The following RFFL variants were observed in gnomAD, a reference collection of about 807,000 sequenced individuals.
RFFL encodes the protein ring finger and FYVE like domain containing E3 ubiquitin protein ligase.
RFFL carries 16 observed loss-of-function variants against 40.4 expected under a neutral mutation model. The ratio of observed to expected loss-of-function variants is 0.40; its 90% CI spans 0.27 to 0.60. The LOEUF is 0.60. RFFL is among the 20% of genes least tolerant of loss of function. RFFL has a pLI of 0.47. For missense variants in RFFL, 367 were observed against 451.7 expected, an observed-to-expected ratio of 0.81 and a Z score of 1.70; for synonymous variants, 154 against 167.9, an observed-to-expected ratio of 0.92 and a Z score of 0.64.
chr17:35,060,659 T>TTA (rs567227880), intron 1 of RFFL, among the ~76,000 whole-genome samples: 109 of 152,332 alleles, frequency 7.2e-4, no homozygotes, highest in African/African-American at 2.3e-3. Context: ...CTTTGAATGA[T>TTA]TACTTGATGG....
At chr17:35,076,843 A>C (rs2091379724) in intron 1 of RFFL, 1 of 237,580 alleles carries the variant, frequency 4.2e-6, no homozygotes, top group South Asian at 6.6e-5. Context: ...TGCCAAGCGC[A>C]AGAGGAAGTA....
At position 35,072,749 on chromosome 17, in the gene RFFL, A is replaced by T. The variant is rs1360669091; in HGVS notation, c.-9+16356T>A. 2.4e-5 allele frequency among the ~76,000 whole-genome samples: 3 copies of T among 124,486 alleles called. 1 individual carries two copies. The highest frequency in any genetic ancestry group is 2.2e-4 in the Admixed American group (3 of 13,804). 81.7% of individuals were successfully genotyped at this position (124,486 alleles called of 152,430 possible). ...TATAATTACCTAAAAATAAAGTATA[A>T]AAAAAAAAAAGTGGTCGGGCGTGGT... On this transcript the variant is annotated intron_variant, in intron 1 of 6. Coordinates refer to the RFFL transcript ENST00000315249.
chr17:35,039,780 C>A (rs950449133), intron 1 of RFFL, among the ~76,000 whole-genome samples: 9 of 151,842 alleles, frequency 5.9e-5, no homozygotes, highest in African/African-American at 1.9e-4. Context: ...CGGGTTCAAG[C>A]AATTCTCCTG....
intron 1 of RFFL, among the ~76,000 whole-genome samples, chr17:35,071,158 AC>A (rs1025764769): frequency 6.6e-6 from 1 of 150,730 alleles, no homozygotes; most frequent in African/African-American, 2.4e-5. Context: ...AGATTATGCC[AC>A]TGCACTCCAG....
intron 1 of RFFL, among the ~76,000 whole-genome samples, chr17:35,045,464 C>T (rs887786223): frequency 4.6e-5 from 7 of 151,202 alleles, no homozygotes; most frequent in Non-Finnish European, 8.9e-5. Context: ...GAACTCCTGA[C>T]CTCAAGTGAT....
At chr17:35,045,777 A>C (rs2091196050) in intron 1 of RFFL, among the ~76,000 whole-genome samples, 2 of 152,034 alleles carry the variant, frequency 1.3e-5, no homozygotes. Flanking sequence ...TAATCGCAGC[A>C]CTTTGGGAGG....
intron 1 of RFFL, among the ~76,000 whole-genome samples, chr17:35,029,905 T>C (rs994338016): frequency 2.0e-5 from 3 of 147,098 alleles, no homozygotes; most frequent in Admixed American, 6.8e-5. Context: ...TGTGTTCTCA[T>C]TGTTCAATTC....
At chr17:35,039,409 G>T (rs1035552778) in intron 1 of RFFL, among the ~76,000 whole-genome samples, 1 of 151,734 alleles carries the variant, frequency 6.6e-6, no homozygotes, top group African/African-American at 2.4e-5. Flanking sequence ...TAGTAGAGAC[G>T]GCGTTTCACC....
intron 1 of RFFL, among the ~76,000 whole-genome samples, chr17:35,057,875 A>C (rs1415568134): frequency 6.6e-6 from 1 of 151,976 alleles, no homozygotes; most frequent in Non-Finnish European, 1.5e-5. Flanking sequence ...TTATTCATTC[A>C]ACAAGTACTT....
intron 1 of RFFL, among the ~76,000 whole-genome samples, chr17:35,056,425 T>C (rs923155036): frequency 4.7e-5 from 7 of 149,918 alleles, no homozygotes; most frequent in African/African-American, 1.7e-4. Context: ...TTGCCCAGGC[T>C]GGAATGCAGT....
intron 1 of RFFL, chr17:35,069,610 G>A (rs1487132587): frequency 1.3e-5 from 3 of 228,760 alleles, no homozygotes; most frequent in Non-Finnish European, 1.8e-5. Context: ...AAAGGACTGT[G>A]CATTCTCTGA....
intron 1 of RFFL, among the ~76,000 whole-genome samples, chr17:35,088,483 T>C (rs1193373924): frequency 6.6e-6 from 1 of 152,156 alleles, no homozygotes; most frequent in Non-Finnish European, 1.5e-5. Flanking sequence ...TGGTCAACTG[T>C]CTCCTGGGCA....
chr17:35,044,920 G>A (rs907408418), intron 1 of RFFL, among the ~76,000 whole-genome samples: 2 of 150,090 alleles, frequency 1.3e-5, no homozygotes, highest in African/African-American at 2.5e-5. Context: ...CACCCAGGCT[G>A]GAGTACAGTG....
At chr17:35,017,388 C>A in intron 4 of RFFL, 135 bp downstream of exon 4, 1 of 658,006 alleles carries the variant, frequency 1.5e-6, no homozygotes, top group Non-Finnish European at 2.8e-6. Context: ...AACACTAAAC[C>A]CTACCCCAAA....
chr17:35,027,332 A>G (rs1029737594), intron 1 of RFFL, among the ~76,000 whole-genome samples: 3 of 152,194 alleles, frequency 2.0e-5, no homozygotes, highest in African/African-American at 7.2e-5. Flanking sequence ...GGGGATATTT[A>G]TTCATTATGT....
chr17:35,086,546 C>T (rs2091430985), intron 1 of RFFL, among the ~76,000 whole-genome samples: 1 of 151,288 alleles, frequency 6.6e-6, no homozygotes, highest in South Asian at 2.1e-4. Flanking sequence ...CACCAAATAA[C>T]CATTACCAAT....
At chr17:35,016,657 C>T in intron 4 of RFFL, 77 bp from the exon 5 acceptor site, 1 of 1,181,134 alleles carries the variant, frequency 8.5e-7, no homozygotes, top group Non-Finnish European at 1.2e-6. Context: ...CCAAAGCAGT[C>T]ACCACATCAT....
intron 1 of RFFL, among the ~76,000 whole-genome samples, chr17:35,055,711 T>A (rs1418837927): frequency 6.6e-6 from 1 of 151,518 alleles, no homozygotes; most frequent in Non-Finnish European, 1.5e-5. Flanking sequence ...AAAAAAACAT[T>A]AATCAGGCTG....
chr17:35,038,644 C>T (rs2091142118), intron 1 of RFFL, among the ~76,000 whole-genome samples: 1 of 152,148 alleles, frequency 6.6e-6, no homozygotes, highest in African/African-American at 2.4e-5. Context: ...TGAGCAAAAG[C>T]AGGAGGCATA....
Sources: allele counts gnomAD v4.1 joint callset (sites outside exome capture counted in the v4.1 genomes callset), GRCh38; gene constraint gnomAD v4.1.1; transcripts MANE v1.5; gene names NCBI Gene and HGNC (gene_info 2026-07-23, HGNC 2026-07-21).